Variants in ERC1 observed in about 807,000 individuals in gnomAD.
ERC1 encodes the protein RAB6 interacting protein 2.
In ERC1, 56 loss-of-function variants were observed where a neutral mutation model predicts 132.0. That is an observed-to-expected ratio of 0.42 (90% CI 0.34 to 0.53). ERC1 has a LOEUF of 0.53. Ranked by LOEUF, ERC1 falls within the 20% of genes least tolerant of loss-of-function variation. The probability of loss-of-function intolerance (pLI) is 0.03; values close to 1 mark genes in which losing one functional copy is unlikely to be tolerated. For synonymous variants in ERC1, 478 were observed against 476.1 expected, an observed-to-expected ratio of 1.00 and a Z score of -0.05; for missense variants, 1,202 against 1,349.9, an observed-to-expected ratio of 0.89 and a Z score of 1.72.
At chr12:1,336,761 C>G (rs1023505808) in intron 15 of ERC1, among the ~76,000 whole-genome samples, 2 of 151,344 alleles carry the variant, frequency 1.3e-5, no homozygotes, top group Non-Finnish European at 2.9e-5. Flanking sequence ...TGTCAAGTCC[C>G]TTTGATCCTA....
At chr12:1,377,098 A>ATCAC (rs1264270765) in intron 16 of ERC1, among the ~76,000 whole-genome samples, 1 of 152,172 alleles carries the variant, frequency 6.6e-6, no homozygotes, top group Non-Finnish European at 1.5e-5. Flanking sequence ...TATTTCCCTA[A>ATCAC]TCACTAAGTT....
chr12:1,021,056 C>G (rs1299230917), intron 1 of ERC1, among the ~76,000 whole-genome samples: 1 of 152,132 alleles, frequency 6.6e-6, no homozygotes, highest in Non-Finnish European at 1.5e-5. Flanking sequence ...TCTTCTGCCT[C>G]AGCCTCCTGA....
At chr12:1,118,917 C>T (rs1376333733) in intron 7 of ERC1, among the ~76,000 whole-genome samples, 5 of 152,204 alleles carry the variant, frequency 3.3e-5, no homozygotes. Flanking sequence ...GTCACCCAAG[C>T]TGGAGTGCAG....
intron 7 of ERC1, among the ~76,000 whole-genome samples, chr12:1,136,931 A>G (rs1289811066): frequency 6.6e-6 from 1 of 152,058 alleles, no homozygotes; most frequent in Non-Finnish European, 1.5e-5. Context: ...CATACTGTTC[A>G]TAGGAGAGAT....
chr12:1,390,053 C>CTG (rs1425853792), intron 16 of ERC1, among the ~76,000 whole-genome samples: 1 of 152,120 alleles, frequency 6.6e-6, no homozygotes, highest in Admixed American at 6.5e-5. Context: ...CATAGCGGGG[C>CTG]TGTGTGTGTC....
chr12:1,091,437 A>T (rs1291218315), intron 3 of ERC1, among the ~76,000 whole-genome samples: 1 of 152,160 alleles, frequency 6.6e-6, no homozygotes, highest in Admixed American at 6.5e-5. Context: ...TAAAGACCTC[A>T]TAGGAAGGAG....
At chr12:1,181,835 A>G in intron 9 of ERC1, 90 bp from the exon 10 acceptor site, 1 of 1,338,364 alleles carries the variant, frequency 7.5e-7, no homozygotes, top group Admixed American at 2.5e-5. Flanking sequence ...TCTTTTGAAT[A>G]TAGAAGTTTG....
At chr12:1,478,415 C>T (rs1459004481) in intron 18 of ERC1, among the ~76,000 whole-genome samples, 4 of 152,278 alleles carry the variant, frequency 2.6e-5, no homozygotes, top group Non-Finnish European at 4.4e-5. Flanking sequence ...TATAGGAGTT[C>T]TTTATATATT....
At chr12:1,400,916 A>ATTATTTTTT (rs2090981093) in intron 16 of ERC1, among the ~76,000 whole-genome samples, 7 of 15,058 alleles carry the variant, frequency 4.6e-4, no homozygotes, top group African/African-American at 2.2e-3. Context: ...CTATTTTTGT[A>ATTATTTTTT]TTTTTTTTTT....
intron 15 of ERC1, among the ~76,000 whole-genome samples, chr12:1,295,666 G>A (rs1385714670): frequency 1.3e-5 from 2 of 152,032 alleles, no homozygotes; most frequent in South Asian, 2.1e-4. Flanking sequence ...GCTAAGACTA[G>A]TAAAAGAAGG....
chr12:1,242,953 C>T (rs568004705), intron 13 of ERC1, among the ~76,000 whole-genome samples: 4 of 151,624 alleles, frequency 2.6e-5, no homozygotes, highest in East Asian at 3.9e-4. Context: ...TTTGGGAGGC[C>T]GAGGCGGGTG....
chr12:1,480,735 G>T, intron 18 of ERC1: 1 of 665,354 alleles, frequency 1.5e-6, no homozygotes, highest in Non-Finnish European at 2.8e-6. Context: ...GGTGTGGGAG[G>T]GGGTGTGGGT....
intron 17 of ERC1, among the ~76,000 whole-genome samples, chr12:1,432,482 G>T (rs1293954833): frequency 6.6e-6 from 1 of 152,210 alleles, no homozygotes; most frequent in Non-Finnish European, 1.5e-5. Context: ...TGTCCTCAGG[G>T]TGAGGATGTC....
At chr12:1,260,567 TAAATA>T (rs1010577678) in intron 13 of ERC1, among the ~76,000 whole-genome samples, 1 of 152,228 alleles carries the variant, frequency 6.6e-6, no homozygotes, top group Non-Finnish European at 1.5e-5. Flanking sequence ...TTTATTAAAT[TAAATA>T]GGAGATTCAA....
chr12:1,261,595 C>T (rs1293369403), intron 13 of ERC1, among the ~76,000 whole-genome samples: 1 of 152,196 alleles, frequency 6.6e-6, no homozygotes, highest in Non-Finnish European at 1.5e-5. Flanking sequence ...CTTTAAAACC[C>T]TCCACTGTAC....
chr12:1,312,468 C>T (rs73032739), intron 15 of ERC1, among the ~76,000 whole-genome samples: 5,257 of 152,194 alleles, frequency 0.035, 97 homozygotes, highest in Middle Eastern at 0.075. Context: ...GAGTGATTCT[C>T]ATGCCTCAGT....
chr12:1,304,722 AAC>A, intron 15 of ERC1, among the ~76,000 whole-genome samples: 1 of 150,608 alleles, frequency 6.6e-6, no homozygotes, highest in Non-Finnish European at 1.5e-5. Context: ...AAGGCCCTTT[AAC>A]ACAGTTCTAT....
chr12:1,280,669 A>G (rs567340428), intron 14 of ERC1, among the ~76,000 whole-genome samples: 20 of 152,340 alleles, frequency 1.3e-4, no homozygotes, highest in African/African-American at 4.8e-4. Context: ...AAGGCAGCAT[A>G]CAAGTGTTGA....
At chr12:1,294,430 T>A (rs2079753602) in intron 15 of ERC1, among the ~76,000 whole-genome samples, 1 of 152,196 alleles carries the variant, frequency 6.6e-6, no homozygotes, top group Admixed American at 6.5e-5. Context: ...ACTAAACTTT[T>A]CAGATAAAGG....
Sources: gnomAD v4.1 joint callset for allele counts (sites outside exome capture counted in the v4.1 genomes callset) on GRCh38, gnomAD v4.1.1 for gene constraint, MANE v1.5 for transcripts, NCBI Gene and HGNC (gene_info 2026-07-23, HGNC 2026-07-21) for gene names.